SGCD: variants seen among roughly 807,000 people sequenced by gnomAD.
SGCD encodes the protein sarcoglycan delta.
Under a neutral mutation model 36.6 loss-of-function variants are expected in SGCD, and 18 were observed. That is an observed-to-expected ratio of 0.49 (90% CI 0.34 to 0.73). The LOEUF (loss-of-function observed/expected upper bound fraction) is 0.73. SGCD is among the 30% of genes least tolerant of loss of function. The pLI, the probability that SGCD is intolerant of heterozygous loss-of-function variation, is 0.01. For synonymous variants in SGCD, 133 were observed against 130.6 expected (o/e 1.02, Z -0.12); for missense variants, 387 against 346.7 (o/e 1.12, Z -0.92).
chr5:156,376,808 C>T (rs1175718961), intron 3 of SGCD, among the ~76,000 whole-genome samples: 6 of 151,698 alleles, frequency 4.0e-5, no homozygotes, highest in Admixed American at 3.9e-4. Context: ...CAAAAGTGGC[C>T]CAAGGTGCTC....
At chr5:156,672,001 G>C (rs1289275380) in intron 7 of SGCD, among the ~76,000 whole-genome samples, 1 of 152,078 alleles carries the variant, frequency 6.6e-6, no homozygotes, top group Non-Finnish European at 1.5e-5. Context: ...TATTTATTAG[G>C]GACCTGCCCC....
chr5:156,352,971 A>C (rs1218543450), intron 3 of SGCD, among the ~76,000 whole-genome samples: 1 of 152,216 alleles, frequency 6.6e-6, no homozygotes, highest in Non-Finnish European at 1.5e-5. Flanking sequence ...AATGTCTAAA[A>C]CATGGTTTAT....
intron 3 of SGCD, among the ~76,000 whole-genome samples, chr5:156,421,126 C>A (rs1465990771): frequency 1.3e-5 from 2 of 151,916 alleles, no homozygotes; most frequent in Non-Finnish European, 2.9e-5. Context: ...CAAATGGTCT[C>A]AATGGAATAC....
At chr5:156,480,732 C>G (rs1755387993) in intron 3 of SGCD, among the ~76,000 whole-genome samples, 1 of 152,142 alleles carries the variant, frequency 6.6e-6, no homozygotes, top group Admixed American at 6.5e-5. Context: ...GGTGCTTTAC[C>G]TACTTTGCAA....
intron 1 of SGCD, among the ~76,000 whole-genome samples, chr5:156,070,716 C>T (rs1760520961): frequency 2.0e-5 from 3 of 152,066 alleles, no homozygotes; most frequent in African/African-American, 7.3e-5. Context: ...GTACCAGTTC[C>T]TCCTTGTACC....
At chr5:155,995,986 C>CAAAAAAAAAA (rs753195795) in intron 1 of SGCD, among the ~76,000 whole-genome samples, 3 of 46,246 alleles carry the variant, frequency 6.5e-5, no homozygotes, top group African/African-American at 1.1e-4. Context: ...CAGACCACAC[C>CAAAAAAAAAA]AAAAAAAAAA....
At chr5:156,627,295 G>A (rs1762473069) in intron 6 of SGCD, among the ~76,000 whole-genome samples, 1 of 152,138 alleles carries the variant, frequency 6.6e-6, no homozygotes, top group Non-Finnish European at 1.5e-5. Context: ...ATTTGTTAGT[G>A]TCCAGTGTCC....
chr5:156,538,326 T>G (rs1758203924), intron 4 of SGCD, among the ~76,000 whole-genome samples: 1 of 152,160 alleles, frequency 6.6e-6, no homozygotes, highest in South Asian at 2.1e-4. Context: ...TTCTGTTTGT[T>G]GCTTGTTTTT....
chr5:156,130,259 TC>T (rs1762283759), intron 3 of SGCD, among the ~76,000 whole-genome samples: 1 of 152,250 alleles, frequency 6.6e-6, no homozygotes, highest in Non-Finnish European at 1.5e-5. Context: ...GAGCTTTTTT[TC>T]ATATGCTTTT....
At chr5:155,818,862 C>A in the SGCD span, among the ~76,000 whole-genome samples, 1 of 152,124 alleles carries the variant, frequency 6.6e-6, no homozygotes, top group Non-Finnish European at 1.5e-5. Flanking sequence ...ATTAAAACTA[C>A]CTTTACTCCA....
intron 1 of SGCD, among the ~76,000 whole-genome samples, chr5:156,116,368 A>G (rs1437280016): frequency 6.6e-6 from 1 of 152,118 alleles, no homozygotes; most frequent in East Asian, 1.9e-4. Context: ...GGCCAAGCTC[A>G]CAGACTATGC....
At chr5:156,143,887 C>G (rs1252360839) in intron 3 of SGCD, among the ~76,000 whole-genome samples, 2 of 113,710 alleles carry the variant, frequency 1.8e-5, no homozygotes, top group Non-Finnish European at 3.5e-5. Context: ...TCCCTCCCCC[C>G]TCCCCCCACC....
intron 4 of SGCD, among the ~76,000 whole-genome samples, chr5:156,526,055 A>G (rs759190412): frequency 6.6e-6 from 1 of 152,132 alleles, no homozygotes; most frequent in African/African-American, 2.4e-5. Flanking sequence ...TGGTTTTGAA[A>G]TTGTATGCAA....
the SGCD span, among the ~76,000 whole-genome samples, chr5:155,818,147 T>C: frequency 1.3e-5 from 2 of 152,264 alleles, no homozygotes; most frequent in East Asian, 3.9e-4. Context: ...CGTATACAAA[T>C]AGCAACAAGA....
chr5:156,339,969 G>A (rs2135038), intron 2 of SGCD, among the ~76,000 whole-genome samples: 112,682 of 152,134 alleles, frequency 0.74, 42,459 homozygotes, highest in East Asian at 0.92. Context: ...CTTTCTGTAT[G>A]GACAATGGAA....
At chr5:155,784,393 G>A in the SGCD span, among the ~76,000 whole-genome samples, 1 of 152,190 alleles carries the variant, frequency 6.6e-6, no homozygotes, top group Non-Finnish European at 1.5e-5. Flanking sequence ...GTGAAGCTAG[G>A]AAGGTAAGCA....
intron 3 of SGCD, among the ~76,000 whole-genome samples, chr5:156,151,534 C>G (rs147635161): frequency 6.6e-6 from 1 of 151,518 alleles, no homozygotes; most frequent in Non-Finnish European, 1.5e-5. Context: ...ATGAAAGTAT[C>G]TCCAAATGCC....
the SGCD span, among the ~76,000 whole-genome samples, chr5:155,758,430 A>G: frequency 2.0e-5 from 3 of 152,206 alleles, no homozygotes; most frequent in Admixed American, 1.3e-4. Context: ...TTTATGTTAC[A>G]TAAGTGAAAT....
At chr5:156,070,409 T>C (rs143775932) in intron 1 of SGCD, among the ~76,000 whole-genome samples, 7,076 of 151,454 alleles carry the variant, frequency 0.047, 719 homozygotes, top group East Asian at 0.47. Flanking sequence ...TTGTCTTTGG[T>C]TCTGTTTATA....
Sources: allele counts gnomAD v4.1 joint callset (sites outside exome capture counted in the v4.1 genomes callset), GRCh38; gene constraint gnomAD v4.1.1; transcripts MANE v1.5; gene names NCBI Gene and HGNC (gene_info 2026-07-23, HGNC 2026-07-21).